MOB1B: variants seen among roughly 807,000 people sequenced by gnomAD.
MOB1B encodes the protein MOB kinase activator 1B.
In MOB1B, 19 loss-of-function variants were observed where a neutral mutation model predicts 24.4. The observed-to-expected ratio is 0.78, with a 90% CI of 0.54 to 1.14. MOB1B has a LOEUF of 1.14. Among genes scored for constraint, MOB1B ranks in the 50% most tolerant of loss-of-function variants. The pLI is 0.00. For synonymous variants in MOB1B, 76 were observed against 82.1 expected (o/e 0.93, Z 0.40); for missense variants, 243 against 259.6 (o/e 0.94, Z 0.44).
At chr4:70,917,295 A>G (rs1736232773) in intron 1 of MOB1B, among the ~76,000 whole-genome samples, 7 of 152,222 alleles carry the variant, frequency 4.6e-5, no homozygotes, top group Admixed American at 4.6e-4. Context: ...AAACTCCTTC[A>G]AAAATAAAAG....
At chr4:70,960,759 A>G (rs1025427568) in intron 2 of MOB1B, among the ~76,000 whole-genome samples, 3 of 152,222 alleles carry the variant, frequency 2.0e-5, no homozygotes, top group Non-Finnish European at 4.4e-5. Context: ...CTCCAAGACA[A>G]TATTCAGAAT....
chr4:70,944,836 C>T (rs565970292), intron 1 of MOB1B, among the ~76,000 whole-genome samples: 1 of 152,198 alleles, frequency 6.6e-6, no homozygotes, highest in South Asian at 2.1e-4. Flanking sequence ...CTCGAGAACT[C>T]ATTCACTATC....
chr4:70,913,401 A>G (rs762147269), intron 1 of MOB1B, among the ~76,000 whole-genome samples: 20 of 151,924 alleles, frequency 1.3e-4, no homozygotes, highest in Non-Finnish European at 2.2e-4. Flanking sequence ...GGCTCAAGCA[A>G]TCCTCCAACC....
rs137972008 is a variant in MOB1B, at chr4:70,947,048, C to T, written c.15-11826C>T. On this transcript the variant is annotated intron_variant, in intron 1 of 5. Coordinates refer to ENST00000309395, the MANE Select transcript of MOB1B (RefSeq NM_173468.4). Reference sequence around the variant, plus strand: ...AACAGTCCTTCAAAACTGGTGATGTCGTTTGCAGTTTTTTCATTTTAAACT... The same window carrying T: ...AACAGTCCTTCAAAACTGGTGATGTTGTTTGCAGTTTTTTCATTTTAAACT... Among the ~76,000 whole-genome samples, 1,151 of 152,258 alleles carry T rather than the reference C, an allele frequency of 7.6e-3. 13 individuals carry two copies. Among genetic ancestry groups the T allele is most frequent in the African/African-American group, 0.027 (1,101 of 41,540 alleles).
At chr4:70,917,706 GA>G (rs1257288811) in intron 1 of MOB1B, among the ~76,000 whole-genome samples, 1 of 152,156 alleles carries the variant, frequency 6.6e-6, no homozygotes, top group African/African-American at 2.4e-5. Context: ...TCTTGCATGG[GA>G]AAGCTTTTAT....
chr4:70,928,315 A>G (rs1304068228), intron 1 of MOB1B, among the ~76,000 whole-genome samples: 5 of 139,440 alleles, frequency 3.6e-5, no homozygotes, highest in Non-Finnish European at 7.7e-5. Flanking sequence ...TTTTTTTTTG[A>G]GATGGAGTCT....
intron 4 of MOB1B, 68 bp downstream of exon 4, chr4:70,975,354 C>T (rs750934828): frequency 3.8e-6 from 6 of 1,577,000 alleles, no homozygotes; most frequent in African/African-American, 1.4e-5. Context: ...AATTTTCCTC[C>T]CTCTTTCCAC....
intron 1 of MOB1B, among the ~76,000 whole-genome samples, chr4:70,925,459 A>AAT (rs1736611137): frequency 6.6e-6 from 1 of 152,308 alleles, no homozygotes; most frequent in South Asian, 2.1e-4. Context: ...AAGGAAGAAA[A>AAT]ATACCACTGT....
At position 70,975,129 on chromosome 4, in the gene MOB1B, GTGCTTT is replaced by G. The variant is rs1560666009; in HGVS notation, c.276-22_276-17del. 3.2e-6 allele frequency: 5 copies of G among 1,571,744 alleles called. No individual in the cohort carries two copies. Among genetic ancestry groups the G allele is most frequent in the Non-Finnish European group, 4.3e-6 (5 of 1,162,382 alleles). ...GTATAGGTATATACTAATCTTCTGT[GTGCTTT>G]TTATCTCTCCAATGCAGATATGAGT... On this transcript the variant is annotated intron_variant, in intron 3 of 5. Coordinates refer to ENST00000309395, the MANE Select transcript of MOB1B (RefSeq NM_173468.4).
rs1739346781 is a variant in MOB1B, at chr4:70,985,416, T to C, written c.*3359T>C. On this transcript the variant is annotated 3_prime_UTR_variant, in exon 6 of 6. Coordinates refer to ENST00000309395, the MANE Select transcript of MOB1B (RefSeq NM_173468.4). Reference sequence around the variant, plus strand: ...ATGTTTTTGGAACTGTTCTAGAGCATACCATGAAAAGCAGTTTGTTATTAT... The same window carrying C: ...ATGTTTTTGGAACTGTTCTAGAGCACACCATGAAAAGCAGTTTGTTATTAT... 1 of 152,224 alleles carries C rather than the reference T, an allele frequency of 6.6e-6. No homozygotes were observed. The highest frequency in any genetic ancestry group is 1.5e-5 in the Non-Finnish European group (1 of 68,040). The allele number at this position is 152,224 out of a possible 1,614,324, so 9.4% of individuals were successfully genotyped here.
intron 1 of MOB1B, among the ~76,000 whole-genome samples, chr4:70,933,622 G>T (rs1461527682): frequency 6.9e-6 from 1 of 144,414 alleles, no homozygotes; most frequent in Non-Finnish European, 1.5e-5. Context: ...TGTGATCTCG[G>T]CTCACTGCAA....
intron 1 of MOB1B, among the ~76,000 whole-genome samples, chr4:70,927,365 C>T (rs1040861882): frequency 6.6e-6 from 1 of 151,930 alleles, no homozygotes; most frequent in Non-Finnish European, 1.5e-5. Context: ...ATGATGAAAC[C>T]CCCGTCTCTA....
At chr4:70,902,736 C>T (rs553863850) in intron 1 of MOB1B, among the ~76,000 whole-genome samples, 186 bp downstream of exon 1, 43 of 152,302 alleles carry the variant, frequency 2.8e-4, no homozygotes, top group African/African-American at 1.0e-3. Flanking sequence ...CGCCGCCTCC[C>T]CATAGGGCTT....
intron 1 of MOB1B, among the ~76,000 whole-genome samples, chr4:70,953,487 C>T (rs1049532391): frequency 1.9e-4 from 29 of 151,966 alleles, no homozygotes; most frequent in African/African-American, 4.8e-5. Flanking sequence ...AAATGAGGAA[C>T]GGAGAAGAGA....
chr4:70,921,424 A>T (rs1736431477), intron 1 of MOB1B, among the ~76,000 whole-genome samples: 1 of 150,116 alleles, frequency 6.7e-6, no homozygotes, highest in Admixed American at 6.7e-5. Flanking sequence ...TATATTAAAA[A>T]AAGAATTGCC....
At chr4:70,954,605 G>A (rs1054504766) in intron 1 of MOB1B, among the ~76,000 whole-genome samples, 2 of 151,444 alleles carry the variant, frequency 1.3e-5, no homozygotes, top group Non-Finnish European at 2.9e-5. Flanking sequence ...ACAGGCCTGC[G>A]CCACCATGCC....
intron 1 of MOB1B, among the ~76,000 whole-genome samples, chr4:70,947,922 T>C (rs1314441154): frequency 6.6e-6 from 1 of 152,222 alleles, no homozygotes; most frequent in African/African-American, 2.4e-5. Flanking sequence ...GAGAAGAATT[T>C]TAAACTTTAA....
intron 1 of MOB1B, among the ~76,000 whole-genome samples, chr4:70,934,065 CT>C (rs1416808026): frequency 1.3e-5 from 2 of 152,092 alleles, no homozygotes; most frequent in Middle Eastern, 3.2e-3. Flanking sequence ...ATACATACTT[CT>C]CATTCTGCAA....
At chr4:70,945,999 T>G (rs777514774) in intron 1 of MOB1B, among the ~76,000 whole-genome samples, 1 of 151,844 alleles carries the variant, frequency 6.6e-6, no homozygotes, top group Non-Finnish European at 1.5e-5. Flanking sequence ...TTTCAAAGCA[T>G]TAAGACTACA....
Sources: allele counts gnomAD v4.1 joint callset (sites outside exome capture counted in the v4.1 genomes callset), GRCh38; gene constraint gnomAD v4.1.1; transcripts MANE v1.5; gene names NCBI Gene and HGNC (gene_info 2026-07-23, HGNC 2026-07-21).